Variants in RBFOX3 observed in about 807,000 individuals in gnomAD.
RBFOX3 encodes the protein RNA binding fox-1 homolog 3, also known as RNA binding protein fox-1 homolog 3.
Under a neutral mutation model 48.7 loss-of-function variants are expected in RBFOX3, and 17 were observed. The observed-to-expected ratio is 0.35, with a 90% CI of 0.24 to 0.52. RBFOX3 has a LOEUF of 0.52. Ranked by LOEUF, RBFOX3 falls within the 20% of genes least tolerant of loss-of-function variation. The pLI, the probability that RBFOX3 is intolerant of heterozygous loss-of-function variation, is 0.94. For synonymous variants in RBFOX3, 212 were observed against 209.5 expected (o/e 1.01, Z -0.10); for missense variants, 382 against 497.5 (o/e 0.77, Z 2.21).
chr17:79,490,110 T>C (rs939314943), intron 1 of RBFOX3, among the ~76,000 whole-genome samples: 2 of 152,378 alleles, frequency 1.3e-5, no homozygotes, highest in East Asian at 3.9e-4. Flanking sequence ...TCATGCCTTC[T>C]GAATCCTGTC....
chr17:79,125,920 C>T (rs2037123209), intron 4 of RBFOX3, among the ~76,000 whole-genome samples: 4 of 152,364 alleles, frequency 2.6e-5, no homozygotes, highest in Admixed American at 2.6e-4. Flanking sequence ...GCCACCCATG[C>T]AGGTCACCTG....
intron 2 of RBFOX3, among the ~76,000 whole-genome samples, chr17:79,376,689 G>A (rs191370125): frequency 6.6e-6 from 1 of 152,328 alleles, no homozygotes; most frequent in African/African-American, 2.4e-5. Context: ...TGGAGGAAGA[G>A]GAGGGGTGCA....
intron 1 of RBFOX3, among the ~76,000 whole-genome samples, chr17:79,546,119 G>C (rs1568401315): frequency 6.6e-6 from 1 of 152,182 alleles, no homozygotes; most frequent in Non-Finnish European, 1.5e-5. Flanking sequence ...ATCCAGAAAG[G>C]TCATAGCCAC....
chr17:79,127,368 A>T (rs1440316510), intron 4 of RBFOX3, among the ~76,000 whole-genome samples: 1 of 152,148 alleles, frequency 6.6e-6, no homozygotes, highest in Non-Finnish European at 1.5e-5. Flanking sequence ...TGAGAGGGAG[A>T]CCTGAGGGAG....
intron 1 of RBFOX3, among the ~76,000 whole-genome samples, chr17:79,527,530 G>A (rs1484175778): frequency 6.6e-6 from 1 of 152,152 alleles, no homozygotes; most frequent in African/African-American, 2.4e-5. Flanking sequence ...TGTCTCTCTC[G>A]TGTCTATTTT....
chr17:79,303,112 G>A (rs967179797), intron 3 of RBFOX3, among the ~76,000 whole-genome samples: 16 of 152,178 alleles, frequency 1.1e-4, no homozygotes, highest in Non-Finnish European at 1.8e-4. Context: ...GGGAGGCTGA[G>A]GTCGGAGGAT....
At chr17:79,225,695 G>A (rs1465892453) in intron 4 of RBFOX3, among the ~76,000 whole-genome samples, 1 of 152,222 alleles carries the variant, frequency 6.6e-6, no homozygotes, top group Non-Finnish European at 1.5e-5. Flanking sequence ...CCCCAGCTGG[G>A]TAGGGGGCTG....
rs756400849 is a variant in RBFOX3, at chr17:79,299,611, G to A, written c.-74+8113C>T. 7.2e-5 allele frequency among the ~76,000 whole-genome samples: 11 copies of A among 152,148 alleles called. No homozygotes were observed. Among genetic ancestry groups the A allele is most frequent in the South Asian group, 2.1e-4 (1 of 4,820 alleles). On this transcript the variant is annotated intron_variant, in intron 3 of 14. Coordinates refer to ENST00000693108, the MANE Select transcript of RBFOX3 (RefSeq NM_001350451.2). The surrounding 1 kb of genome is among the most constrained non-coding windows in gnomAD (Gnocchi z 4.5). ...CCAGGGGTTTGAGCATCGTCAGATC[G>A]TGGGGTTTTTGGAACTAACCCCCTG...
chr17:79,548,289 C>A (rs1244942380), intron 1 of RBFOX3, among the ~76,000 whole-genome samples: 1 of 152,160 alleles, frequency 6.6e-6, no homozygotes, highest in Non-Finnish European at 1.5e-5. Context: ...ACTGGGGTCT[C>A]GGGCCTGAGG....
intron 4 of RBFOX3, among the ~76,000 whole-genome samples, chr17:79,161,449 A>G (rs2046965056): frequency 6.6e-6 from 1 of 152,230 alleles, no homozygotes; most frequent in Non-Finnish European, 1.5e-5. Context: ...TGCTCCAGGA[A>G]GTGACCTCAC....
intron 1 of RBFOX3, among the ~76,000 whole-genome samples, chr17:79,592,730 C>A (rs984648412): frequency 5.9e-5 from 9 of 152,184 alleles, no homozygotes; most frequent in Admixed American, 4.6e-4. Context: ...GTGGCCCCAG[C>A]AGGCCCAAGC....
intron 2 of RBFOX3, among the ~76,000 whole-genome samples, chr17:79,450,233 G>A (rs1259450642): frequency 2.6e-5 from 4 of 152,224 alleles, no homozygotes; most frequent in Admixed American, 1.3e-4. Context: ...TCCTGTAGGC[G>A]AGAGTTAAGC....
intron 1 of RBFOX3, among the ~76,000 whole-genome samples, chr17:79,567,339 A>G (rs2092502254): frequency 6.6e-6 from 1 of 151,836 alleles, no homozygotes; most frequent in African/African-American, 2.4e-5. Context: ...GCCCACCACT[A>G]TGCCCAGCTA....
chr17:79,437,012 G>A (rs1403759088), intron 2 of RBFOX3, among the ~76,000 whole-genome samples: 2 of 152,152 alleles, frequency 1.3e-5, no homozygotes, highest in Non-Finnish European at 2.9e-5. Context: ...CCAGAGAGTG[G>A]AGTCTCAACT....
intron 2 of RBFOX3, among the ~76,000 whole-genome samples, chr17:79,474,678 T>A (rs1429083806): frequency 6.6e-6 from 1 of 152,112 alleles, no homozygotes; most frequent in Non-Finnish European, 1.5e-5. Context: ...CCTGGTGCCA[T>A]TAGTTCCTTT....
Position 79,199,053 on chromosome 17 carries a change from G to T in RBFOX3, c.-34+36713C>A, listed in dbSNP as rs2056285198. Among the ~76,000 whole-genome samples, 1 of 152,300 alleles carries T rather than the reference G, an allele frequency of 6.6e-6. No homozygotes were observed. The highest frequency in any genetic ancestry group is 1.9e-4 in the East Asian group (1 of 5,182). ...ACTCAGTTGTGAGGCTGTTGACTGA[G>T]AACTGGTTTTTAGGGAGAGAGGGAG... is the stretch of plus-strand genomic sequence containing the variant. On this transcript the variant is annotated intron_variant, in intron 4 of 14. Transcript: ENST00000693108. This position sits in a 1 kb window ranked among gnomAD's most constrained non-coding sequence, Gnocchi z 5.1.
intron 6 of RBFOX3, among the ~76,000 whole-genome samples, chr17:79,106,331 CCT>C (rs896731701): frequency 6.6e-6 from 1 of 152,138 alleles, no homozygotes; most frequent in African/African-American, 2.4e-5. Flanking sequence ...CTAGGAAACC[CCT>C]GAGCTCAGGT....
intron 2 of RBFOX3, among the ~76,000 whole-genome samples, chr17:79,470,679 G>T (rs1055532996): frequency 7.0e-6 from 1 of 143,086 alleles, no homozygotes; most frequent in Admixed American, 6.6e-5. Context: ...CAAAGTATCC[G>T]TTCTAGCCAA....
chr17:79,440,280 C>T (rs147742071), intron 2 of RBFOX3, among the ~76,000 whole-genome samples: 1,586 of 152,346 alleles, frequency 0.01, 16 homozygotes, highest in Non-Finnish European at 0.015. Flanking sequence ...CCGTGCTTTT[C>T]CACGGCATTT....
Sources: allele counts gnomAD v4.1 joint callset (sites outside exome capture counted in the v4.1 genomes callset), GRCh38; gene constraint gnomAD v4.1.1; non-coding constraint Gnocchi (gnomAD v3.1); transcripts MANE v1.5; gene names NCBI Gene and HGNC (gene_info 2026-07-23, HGNC 2026-07-21).